Variants in COL27A1 observed in about 807,000 individuals in gnomAD.
COL27A1 encodes collagen type XXVII alpha 1 chain.
A neutral mutation model predicts 251.3 loss-of-function variants in COL27A1; 106 were observed. The ratio of observed to expected loss-of-function variants is 0.42; its 90% CI spans 0.36 to 0.50. The LOEUF (loss-of-function observed/expected upper bound fraction) is 0.50. Ranked by LOEUF, COL27A1 falls within the 20% of genes least tolerant of loss-of-function variation. The pLI is 0.00. For synonymous variants in COL27A1, 1,000 were observed against 986.3 expected, an observed-to-expected ratio of 1.01 and a Z score of -0.26; for missense variants, 2,325 against 2,522.8, an observed-to-expected ratio of 0.92 and a Z score of 1.68.
At chr9:114,185,437 C>A (rs1333348575) in intron 5 of COL27A1, among the ~76,000 whole-genome samples, 1 of 152,218 alleles carries the variant, frequency 6.6e-6, no homozygotes, top group Admixed American at 6.5e-5. Context: ...GTGGGAGGCC[C>A]AGTTAACTGG....
intron 12 of COL27A1, among the ~76,000 whole-genome samples, 167 bp downstream of exon 12, chr9:114,211,193 G>A (rs1159562021): frequency 6.6e-6 from 1 of 152,208 alleles, no homozygotes; most frequent in East Asian, 1.9e-4. Context: ...GCTGGCACAC[G>A]GCGTGACTGG....
In COL27A1 at chr9:114,278,175, G is replaced by T. The variant is rs1183549288; in HGVS notation, c.3717+2407G>T. On this transcript the variant is annotated intron_variant, in intron 37 of 60. Coordinates refer to ENST00000356083, the MANE Select transcript of COL27A1 (RefSeq NM_032888.4). The stretch of plus-strand genomic sequence containing the variant: ...GTGGTGATGGTGAGTGGATGGTGTG[G>T]GTGGGGGCAGCAGCAATGGTAGTGG... Among the ~76,000 whole-genome samples the T allele has an allele frequency of 2.0e-5, 3 of 150,690 alleles. No homozygotes were observed. In the East Asian group the frequency reaches 6.0e-4, roughly 30 times the overall value.
At position 114,167,798 on chromosome 9, in the gene COL27A1, G is replaced by T; in HGVS notation, c.243G>T (p.Arg81=). ...QSGFIFTQRA[R]LQAPTGTVIP... ...GCTTCATCTTTACGCAGCGGGCCCGGCTCCAGGCTCCCACGGGCACCGTCA... is the reference window on the plus strand; with the variant it reads ...GCTTCATCTTTACGCAGCGGGCCCGTCTCCAGGCTCCCACGGGCACCGTCA... The change falls in exon 3 of 61, where the codon CGG becomes CGT. Residue 81 remains arginine (R), a synonymous_variant. Coordinates refer to ENST00000356083, the MANE Select transcript of COL27A1 (RefSeq NM_032888.4). The T allele has an allele frequency of 1.2e-6, 2 of 1,613,478 alleles. No individual in the cohort carries two copies. The highest frequency in any genetic ancestry group is 1.6e-4 in the Middle Eastern group (1 of 6,062).
chr9:114,166,215 T>TCA (rs1848838428), intron 2 of COL27A1, among the ~76,000 whole-genome samples: 1 of 141,782 alleles, frequency 7.1e-6, no homozygotes, highest in African/African-American at 2.7e-5. Flanking sequence ...ATCCATCCAT[T>TCA]TTTCTATCCA....
At chr9:114,268,818 C>G (rs1237425879) in intron 34 of COL27A1, 1 of 161,478 alleles carries the variant, frequency 6.2e-6, no homozygotes, top group Non-Finnish European at 1.3e-5. Flanking sequence ...TGCCTGTGGT[C>G]CCAGCTACTT....
intron 36 of COL27A1, 75 bp from the exon 37 acceptor site, chr9:114,275,586 G>A (rs1835442476): frequency 1.0e-6 from 1 of 989,412 alleles, no homozygotes; most frequent in Non-Finnish European, 1.5e-6. Context: ...GGAGCCCTGA[G>A]ATTTGGGGCC....
Position 114,270,866 on chromosome 9 carries a change from C to T in COL27A1, c.3609+85C>T, listed in dbSNP as rs1355833189. The stretch of plus-strand genomic sequence containing the variant: ...AGACCTAAGTCTCCTCCCAGAAACA[C>T]TGTGTTCCCATAGAGATCTGAGATG... On this transcript the variant is annotated intron_variant, in intron 36 of 60. Coordinates refer to ENST00000356083, the MANE Select transcript of COL27A1 (RefSeq NM_032888.4). 4 of 1,032,518 alleles carry T rather than the reference C, an allele frequency of 3.9e-6. No individual in the cohort carries two copies. In the African/African-American group the frequency reaches 6.4e-5, roughly 16 times the overall value. The allele number at this position is 1,032,518 out of a possible 1,614,324, so 64.0% of individuals were successfully genotyped here. A position where few individuals can be genotyped will look rare whatever the true frequency, so the allele number is the denominator to read the frequency against.
At chr9:114,185,798 G>T (rs1366506491) in intron 5 of COL27A1, among the ~76,000 whole-genome samples, 1 of 152,238 alleles carries the variant, frequency 6.6e-6, no homozygotes, top group Non-Finnish European at 1.5e-5. Context: ...ACACTGTCAG[G>T]GCTTGCCCTG....
chr9:114,181,147 C>T (rs1418597965), intron 4 of COL27A1, among the ~76,000 whole-genome samples: 3 of 152,164 alleles, frequency 2.0e-5, no homozygotes, highest in Non-Finnish European at 4.4e-5. Flanking sequence ...CAGTCACTTA[C>T]AGAACAGAGG....
rs774988270 is a variant in COL27A1 at position 114,167,651 on chromosome 9, C to T, written c.134-38C>T. On this transcript the variant is annotated intron_variant, in intron 2 of 60. Coordinates refer to ENST00000356083, the MANE Select transcript of COL27A1 (RefSeq NM_032888.4). ...AGGGGGTGGGGTGGGCTGGAGCAGG[C>T]CCTGACTGCGTCCTCTCCCCTTTTC... The T allele has an allele frequency of 8.4e-6, 13 of 1,554,394 alleles. No individual in the cohort carries two copies. In the South Asian group the frequency reaches 1.2e-4, roughly 14 times the overall value.
chr9:114,258,610 C>T lies in COL27A1; in HGVS notation c.3195+16C>T, dbSNP rs761637665. 3 of 1,612,964 alleles carry T rather than the reference C, an allele frequency of 1.9e-6. No individual in the cohort carries two copies. The highest frequency in any genetic ancestry group is 1.3e-5 in the African/African-American group (1 of 74,936). ...GGGACGTCGGGTAAGTCGAGCCCAG[C>T]TCCTGGGGGCTGATGCTGGTGGGAG... On this transcript the variant is annotated intron_variant, in intron 28 of 60. Transcript: ENST00000356083.
chr9:114,291,804 A>T (rs1340953712), intron 48 of COL27A1, among the ~76,000 whole-genome samples: 1 of 152,100 alleles, frequency 6.6e-6, no homozygotes, highest in Admixed American at 6.5e-5. Flanking sequence ...GTGTGAGCTG[A>T]GGTTTGAAGG....
At chr9:114,190,326 C>CA (rs1277802581) in intron 5 of COL27A1, among the ~76,000 whole-genome samples, 1 of 152,176 alleles carries the variant, frequency 6.6e-6, no homozygotes, top group Admixed American at 6.5e-5. Flanking sequence ...GGCTGGAGTG[C>CA]AGTGGTGCTA....
At position 114,174,504 on chromosome 9, in the gene COL27A1, C is replaced by A. The variant is rs190821806; in HGVS notation, c.1909-3787C>A. Reference sequence around the variant, plus strand: ...GCACAGGGAGAGAAATATACCCTGTCCTCCCTTCTGTGCACTCTCTTCCTG... The same window carrying A: ...GCACAGGGAGAGAAATATACCCTGTACTCCCTTCTGTGCACTCTCTTCCTG... On this transcript the variant is annotated intron_variant, in intron 3 of 60. Transcript: ENST00000356083. Among the ~76,000 whole-genome samples, 1,085 of 152,244 alleles carry A rather than the reference C, an allele frequency of 7.1e-3. 4 individuals carry two copies. Among genetic ancestry groups the A allele is most frequent in the Non-Finnish European group, 0.012 (825 of 68,012 alleles).
chr9:114,254,597 G>A (rs750116326), intron 27 of COL27A1, among the ~76,000 whole-genome samples: 52 of 152,304 alleles, frequency 3.4e-4, no homozygotes, highest in Admixed American at 1.0e-3. Context: ...GAGGGGCGAT[G>A]AGCTCAGGTT....
chr9:114,193,506 C>T (rs1828892395), intron 5 of COL27A1, among the ~76,000 whole-genome samples: 3 of 152,104 alleles, frequency 2.0e-5, no homozygotes, highest in Non-Finnish European at 2.9e-5. Context: ...CATCCTGGAA[C>T]GCAGGTCTGG....
chr9:114,229,110 C>A (rs1408710655), intron 14 of COL27A1, among the ~76,000 whole-genome samples: 3 of 152,226 alleles, frequency 2.0e-5, no homozygotes, highest in Non-Finnish European at 4.4e-5. Flanking sequence ...AGGCATGAGC[C>A]ATGGCGCCAC....
chr9:114,275,638 C>T (rs1376074135), intron 36 of COL27A1, 23 bp from the exon 37 acceptor site: 18 of 1,484,586 alleles, frequency 1.2e-5, no homozygotes, highest in Non-Finnish European at 1.6e-5. Context: ...CTCTCTCTCC[C>T]CTCTTCATGC....
chr9:114,304,573 G>A, intron 56 of COL27A1, 35 bp from the exon 57 acceptor site: 3 of 1,610,262 alleles, frequency 1.9e-6, no homozygotes, highest in South Asian at 1.1e-5. Context: ...AACCCTGGGG[G>A]GCCACGATAC....
Sources: gnomAD v4.1 joint callset for allele counts (sites outside exome capture counted in the v4.1 genomes callset) on GRCh38, gnomAD v4.1.1 for gene constraint, MANE v1.5 for transcripts, NCBI Gene and HGNC (gene_info 2026-07-23, HGNC 2026-07-21) for gene names.